Variants in ZNF385D observed in about 807,000 individuals in gnomAD.
The protein encoded by ZNF385D is zinc finger protein 385D.
Under a neutral mutation model 35.8 loss-of-function variants are expected in ZNF385D, and 15 were observed. That is an observed-to-expected ratio of 0.42 (90% confidence interval 0.28 to 0.64). ZNF385D has a LOEUF of 0.64. Among genes scored for constraint, ZNF385D ranks in the 30% least tolerant of loss-of-function variants. The pLI is 0.23. For synonymous variants in ZNF385D, 212 were observed against 186.8 expected (o/e 1.13, Z -1.10); for missense variants, 474 against 494.6 (o/e 0.96, Z 0.39).
intron 3 of ZNF385D, among the ~76,000 whole-genome samples, chr3:21,893,158 G>A (rs991599731): frequency 6.6e-6 from 1 of 152,126 alleles, no homozygotes; most frequent in African/African-American, 2.4e-5. Flanking sequence ...CTAAAATGGT[G>A]AGAATTCCAG....
chr3:22,312,094 G>A (rs1023505057), intron 2 of ZNF385D, among the ~76,000 whole-genome samples: 2 of 151,990 alleles, frequency 1.3e-5, no homozygotes, highest in African/African-American at 4.8e-5. Context: ...TAACTCAATC[G>A]GGCAAAATTG....
At chr3:21,835,291 T>A (rs1254398940) in intron 3 of ZNF385D, among the ~76,000 whole-genome samples, 1 of 151,794 alleles carries the variant, frequency 6.6e-6, no homozygotes, top group Admixed American at 6.6e-5. Flanking sequence ...AAAATAAATA[T>A]AGTTCTTAGT....
intron 2 of ZNF385D, among the ~76,000 whole-genome samples, chr3:22,221,723 A>G (rs560661824): frequency 2.0e-5 from 3 of 152,332 alleles, no homozygotes; most frequent in Non-Finnish European, 4.4e-5. Flanking sequence ...AAGCTGACAA[A>G]AACTAAATTA....
At chr3:22,107,953 G>C (rs962985558) in intron 3 of ZNF385D, among the ~76,000 whole-genome samples, 1 of 151,732 alleles carries the variant, frequency 6.6e-6, no homozygotes, top group African/African-American at 2.4e-5. Context: ...AAGTGATTAA[G>C]GCCCTAATAA....
At chr3:22,122,864 T>G (rs894313799) in intron 3 of ZNF385D, among the ~76,000 whole-genome samples, 1 of 152,182 alleles carries the variant, frequency 6.6e-6, no homozygotes, top group Non-Finnish European at 1.5e-5. Context: ...AAGCTTCCTT[T>G]GCATTGGCAA....
chr3:21,610,958 G>A (rs1184157340), intron 2 of ZNF385D, among the ~76,000 whole-genome samples: 1 of 152,122 alleles, frequency 6.6e-6, no homozygotes, highest in Non-Finnish European at 1.5e-5. Context: ...GTGGACTGTT[G>A]AACTAGGACT....
chr3:21,840,969 A>G (rs1695635102), intron 3 of ZNF385D, among the ~76,000 whole-genome samples: 1 of 152,038 alleles, frequency 6.6e-6, no homozygotes, highest in Non-Finnish European at 1.5e-5. Flanking sequence ...CATGTATCCA[A>G]TCTGGGTTGG....
chr3:22,194,499 T>C (rs772879637), intron 2 of ZNF385D, among the ~76,000 whole-genome samples: 29 of 152,114 alleles, frequency 1.9e-4, no homozygotes, highest in South Asian at 6.2e-4. Context: ...ATATCTTTCT[T>C]CTTTAATCCA....
intron 2 of ZNF385D, among the ~76,000 whole-genome samples, chr3:22,333,115 T>G (rs995018449): frequency 6.6e-6 from 1 of 152,160 alleles, no homozygotes; most frequent in Non-Finnish European, 1.5e-5. Context: ...CTTTACAACA[T>G]TTAAAAAATA....
intron 3 of ZNF385D, among the ~76,000 whole-genome samples, chr3:22,153,363 C>G (rs1194156900): frequency 2.6e-5 from 4 of 152,014 alleles, no homozygotes; most frequent in Admixed American, 6.6e-5. Flanking sequence ...GCTGTAACAT[C>G]ATCAGGCAAA....
chr3:22,283,555 G>C (rs1021094256), intron 2 of ZNF385D, among the ~76,000 whole-genome samples: 1 of 152,112 alleles, frequency 6.6e-6, no homozygotes, highest in African/African-American at 2.4e-5. Flanking sequence ...CATGAGCAAA[G>C]CATCTGGATC....
At chr3:22,262,849 C>T (rs1700705843) in intron 2 of ZNF385D, among the ~76,000 whole-genome samples, 1 of 152,014 alleles carries the variant, frequency 6.6e-6, no homozygotes, top group Admixed American at 6.6e-5. Context: ...GTCCCCTCTT[C>T]CCCCACCTAG....
upstream of ZNF385D, among the ~76,000 whole-genome samples, chr3:21,751,766 T>C (rs538674577): frequency 5.3e-5 from 8 of 152,166 alleles, no homozygotes; most frequent in Admixed American, 3.3e-4. Context: ...TTCTTGAGTG[T>C]TCCCTGAGCT....
At chr3:22,120,697 A>C (rs1042060353) in intron 3 of ZNF385D, among the ~76,000 whole-genome samples, 7 of 152,170 alleles carry the variant, frequency 4.6e-5, no homozygotes, top group Admixed American at 2.6e-4. Context: ...GTAATAATAC[A>C]ATCTAGCTTA....
chr3:22,258,517 T>A (rs1488314640), intron 2 of ZNF385D, among the ~76,000 whole-genome samples: 2 of 151,876 alleles, frequency 1.3e-5, no homozygotes, highest in East Asian at 3.9e-4. Context: ...TTTTAAAGAA[T>A]GACTAAAAAA....
chr3:21,657,272 A>G (rs1158905536), intron 2 of ZNF385D, among the ~76,000 whole-genome samples: 2 of 151,952 alleles, frequency 1.3e-5, no homozygotes, highest in African/African-American at 2.4e-5. Flanking sequence ...AGAATGCGCT[A>G]CCTATTCAAA....
At chr3:21,938,650 A>G (rs527429032) in intron 3 of ZNF385D, among the ~76,000 whole-genome samples, 2 of 152,322 alleles carry the variant, frequency 1.3e-5, no homozygotes, top group Admixed American at 6.5e-5. Context: ...CATGTCAGTC[A>G]CACTGCTCAT....
At chr3:22,250,391 T>C (rs1040354304) in intron 2 of ZNF385D, among the ~76,000 whole-genome samples, 5 of 152,092 alleles carry the variant, frequency 3.3e-5, no homozygotes, top group Non-Finnish European at 5.9e-5. Context: ...GTATTTCTGC[T>C]TATCAACCTC....
chr3:21,437,721 C>CAAAAAAAAAAAAAA, intron 4 of ZNF385D, among the ~76,000 whole-genome samples: 1 of 10,936 alleles, frequency 9.1e-5, no homozygotes, highest in Non-Finnish European at 2.6e-4. Context: ...AAAAAAAAAC[C>CAAAAAAAAAAAAAA]GGAACCCTGA....
Sources: gnomAD v4.1 joint callset for allele counts (sites outside exome capture counted in the v4.1 genomes callset) on GRCh38, gnomAD v4.1.1 for gene constraint, MANE v1.5 for transcripts, NCBI Gene and HGNC (gene_info 2026-07-23, HGNC 2026-07-21) for gene names.